The following RNFT2 variants were observed in gnomAD, a reference collection of about 807,000 sequenced individuals.
RNFT2 encodes E3 ubiquitin-protein ligase RNFT2.
RNFT2 carries 36 observed loss-of-function variants against 53.0 expected under a neutral mutation model. That is an observed-to-expected ratio of 0.68 (90% CI 0.52 to 0.90). The LOEUF (loss-of-function observed/expected upper bound fraction) is 0.90, where lower values mean the gene tolerates loss of function less well. Ranked by LOEUF, RNFT2 falls within the 40% of genes least tolerant of loss-of-function variation. The pLI is 0.00. For synonymous variants in RNFT2, 260 were observed against 253.2 expected (o/e 1.03, Z -0.26); for missense variants, 514 against 585.6 (o/e 0.88, Z 1.26).
intron 7 of RNFT2, among the ~76,000 whole-genome samples, chr12:116,810,353 C>T (rs1025033163): frequency 5.9e-5 from 9 of 152,146 alleles, no homozygotes; most frequent in African/African-American, 2.2e-4. Context: ...ACAGCCGCAG[C>T]CATGGTGTGG....
At chr12:116,740,855 A>G in intron 2 of RNFT2, 181 bp from the exon 3 acceptor site, 1 of 649,864 alleles carries the variant, frequency 1.5e-6, no homozygotes. Flanking sequence ...TCCTCATGGG[A>G]TAGAATGTCA....
intron 7 of RNFT2, among the ~76,000 whole-genome samples, chr12:116,800,524 TCGGGTGGCTGAGGCAGGAGAATTG>T (rs1405520809): frequency 6.6e-6 from 1 of 151,836 alleles, no homozygotes; most frequent in Non-Finnish European, 1.5e-5. Flanking sequence ...TCCCAGCTAC[TCGGGTGGCTGAGGCAGGAGAATTG>T]CTTGAACCCA....
intron 7 of RNFT2, among the ~76,000 whole-genome samples, chr12:116,821,157 T>C (rs1419138900): frequency 6.6e-6 from 1 of 152,166 alleles, no homozygotes; most frequent in Non-Finnish European, 1.5e-5. Context: ...TCTTCTGGCC[T>C]CTAACTCTGC....
At position 116,843,217 on chromosome 12, in the gene RNFT2, G is replaced by C. The variant is rs539130715; in HGVS notation, c.1201-6097G>C. Among the ~76,000 whole-genome samples, 12 of 152,242 alleles carry C rather than the reference G, an allele frequency of 7.9e-5. No homozygotes were observed. The South Asian group carries it at 1.0e-3, about 13-fold the overall frequency. On this transcript the variant is annotated intron_variant, in intron 10 of 10. Transcript: ENST00000257575. Reference sequence around the variant, plus strand: ...CAGTTAACAATCCAAGGCCAGCTGGGCACAGTGGCTTGCACCTGTAATCCC... The same window carrying C: ...CAGTTAACAATCCAAGGCCAGCTGGCCACAGTGGCTTGCACCTGTAATCCC...
intron 7 of RNFT2, among the ~76,000 whole-genome samples, chr12:116,805,528 G>T (rs1272936464): frequency 2.0e-5 from 3 of 152,120 alleles, no homozygotes; most frequent in Non-Finnish European, 4.4e-5. Context: ...AGGCTGGAGT[G>T]CAGTGGCGCA....
chr12:116,770,997 C>T (rs529721063), intron 6 of RNFT2, among the ~76,000 whole-genome samples: 2 of 152,258 alleles, frequency 1.3e-5, no homozygotes, highest in South Asian at 2.1e-4. Flanking sequence ...AACACAGCTA[C>T]ACCCATCCAT....
intron 7 of RNFT2, among the ~76,000 whole-genome samples, chr12:116,805,302 A>G (rs1282628827): frequency 6.6e-6 from 1 of 152,060 alleles, no homozygotes; most frequent in Non-Finnish European, 1.5e-5. Flanking sequence ...TGCCTCTAGG[A>G]TGCCTGTAAC....
intron 3 of RNFT2, among the ~76,000 whole-genome samples, chr12:116,745,952 G>A (rs892095928): frequency 8.5e-5 from 13 of 152,090 alleles, no homozygotes; most frequent in Admixed American, 3.9e-4. Flanking sequence ...TGTAGCGGGG[G>A]GCAGTGGGGA....
At chr12:116,775,763 C>T (rs1873406295) in intron 6 of RNFT2, among the ~76,000 whole-genome samples, 1 of 152,252 alleles carries the variant, frequency 6.6e-6, no homozygotes, top group South Asian at 2.1e-4. Flanking sequence ...CATAATTAGG[C>T]TGGGCACAGT....
At chr12:116,772,332 G>T (rs1873239138) in intron 6 of RNFT2, among the ~76,000 whole-genome samples, 1 of 152,112 alleles carries the variant, frequency 6.6e-6, no homozygotes, top group South Asian at 2.1e-4. Flanking sequence ...TTTTGAGACA[G>T]AGTCTCGCTC....
chr12:116,808,031 C>T (rs138967408), intron 7 of RNFT2, among the ~76,000 whole-genome samples: 6,100 of 152,052 alleles, frequency 0.04, 264 homozygotes, highest in East Asian at 0.14. Context: ...GGCAATGGCA[C>T]GATCTCACTA....
intron 7 of RNFT2, among the ~76,000 whole-genome samples, chr12:116,781,245 C>G (rs1050758480): frequency 5.3e-5 from 8 of 152,060 alleles, no homozygotes; most frequent in Non-Finnish European, 1.2e-4. Context: ...TCAGCTACAC[C>G]CTCCATCTTT....
chr12:116,806,295 G>A (rs1875047031), intron 7 of RNFT2, among the ~76,000 whole-genome samples: 1 of 151,716 alleles, frequency 6.6e-6, no homozygotes, highest in Non-Finnish European at 1.5e-5. Flanking sequence ...GCTTGAACCT[G>A]GGAGGTGGAG....
chr12:116,836,052 C>A lies in RNFT2; in HGVS notation c.1098+27C>A, dbSNP rs370425047. Reference sequence around the variant, plus strand: ...TGAGTTGGCTTCAGGTGGTCCCCACCAGGGTCCTGAGAATCAGGAACTGGA... The same window carrying A: ...TGAGTTGGCTTCAGGTGGTCCCCACAAGGGTCCTGAGAATCAGGAACTGGA... On this transcript the variant is annotated intron_variant, in intron 9 of 10. Coordinates refer to ENST00000257575, the MANE Select transcript of RNFT2 (RefSeq NM_001382266.1). 1.3e-5 allele frequency: 21 copies of A among 1,613,338 alleles called. No homozygotes were observed. In the African/African-American group the frequency reaches 2.1e-4, roughly 16 times the overall value.
In RNFT2 at chr12:116,833,084, A is replaced by T. The variant is rs550852056; in HGVS notation, c.883-708A>T. Among the ~76,000 whole-genome samples the T allele has an allele frequency of 2.2e-4, 33 of 151,792 alleles. No homozygotes were observed. In the South Asian group the frequency reaches 6.0e-3, roughly 28 times the overall value. ...TACAGGTGCGCCACCACGCTCAGCTAATTTTTGTATTTTTAGTAGAGTTGG... is the reference window on the plus strand; with the variant it reads ...TACAGGTGCGCCACCACGCTCAGCTTATTTTTGTATTTTTAGTAGAGTTGG... On this transcript the variant is annotated intron_variant, in intron 7 of 10. Transcript: ENST00000257575.
chr12:116,816,882 T>C (rs1875711343), intron 7 of RNFT2, among the ~76,000 whole-genome samples: 1 of 152,212 alleles, frequency 6.6e-6, no homozygotes, highest in Admixed American at 6.5e-5. Flanking sequence ...AACTGCTAGT[T>C]TCTTAGAAAC....
intron 6 of RNFT2, among the ~76,000 whole-genome samples, chr12:116,773,712 G>A (rs963047016): frequency 2.6e-5 from 4 of 152,140 alleles, no homozygotes; most frequent in Non-Finnish European, 5.9e-5. Flanking sequence ...TAAGGGTGAT[G>A]GGAATCACAT....
chr12:116,827,347 C>T (rs1020872702), intron 7 of RNFT2, among the ~76,000 whole-genome samples: 7 of 152,112 alleles, frequency 4.6e-5, no homozygotes, highest in African/African-American at 1.7e-4. Context: ...TGACAGTTAG[C>T]TGAGACCCAA....
At chr12:116,750,772 CATT>C (rs1223143647) in intron 4 of RNFT2, among the ~76,000 whole-genome samples, 4 of 135,848 alleles carry the variant, frequency 2.9e-5, no homozygotes, top group African/African-American at 2.8e-5. Flanking sequence ...GTGTAAAACA[CATT>C]ATTTTTACTA....
Sources: allele counts gnomAD v4.1 joint callset (sites outside exome capture counted in the v4.1 genomes callset), GRCh38; gene constraint gnomAD v4.1.1; transcripts MANE v1.5; gene names NCBI Gene and HGNC (gene_info 2026-07-23, HGNC 2026-07-21).